The following LYPD5 variants were observed in gnomAD, a reference collection of about 807,000 sequenced individuals.
LYPD5 encodes the protein LY6/PLAUR domain containing 5.
LYPD5 carries 21 observed loss-of-function variants against 19.1 expected under a neutral mutation model. That is an observed-to-expected ratio of 1.10 (90% confidence interval 0.78 to 1.58). The LOEUF is 1.58. LYPD5 is among the 40% of genes most tolerant of loss of function. LYPD5 has a pLI of 0.00. For synonymous variants in LYPD5, 128 were observed against 142.7 expected, an observed-to-expected ratio of 0.90 and a Z score of 0.74; for missense variants, 287 against 329.8, an observed-to-expected ratio of 0.87 and a Z score of 1.00.
At chr19:43,815,769 A>C (rs1158605525) in intron 1 of LYPD5, 1 of 417,976 alleles carries the variant, frequency 2.4e-6, no homozygotes, top group Non-Finnish European at 4.7e-6. Context: ...ACGGAGTTTC[A>C]CTTTGTCACC....
At chr19:43,811,906 G>A (rs1297023151) in intron 1 of LYPD5, among the ~76,000 whole-genome samples, 1 of 152,050 alleles carries the variant, frequency 6.6e-6, no homozygotes, top group Non-Finnish European at 1.5e-5. Context: ...CAAAATGTAG[G>A]GGCTTAAAAC....
intron 1 of LYPD5, among the ~76,000 whole-genome samples, chr19:43,816,671 G>A (rs1353883326): frequency 6.6e-6 from 1 of 152,218 alleles, no homozygotes; most frequent in African/African-American, 2.4e-5. Context: ...TAGTCACTAT[G>A]AATTAGCTTT....
chr19:43,801,246 A>G (rs1970220591), intron 1 of LYPD5, among the ~76,000 whole-genome samples: 1 of 151,952 alleles, frequency 6.6e-6, no homozygotes, highest in Non-Finnish European at 1.5e-5. Context: ...CCACAAGAAA[A>G]AAGGCCAGTC....
At chr19:43,800,009 T>C (rs1345444353) in intron 1 of LYPD5, 175 bp from the exon 2 acceptor site, 7 of 726,104 alleles carry the variant, frequency 9.6e-6, no homozygotes, top group African/African-American at 3.6e-5. Context: ...GTCTGTCTCA[T>C]GGCAGAGTAA....
chr19:43,803,737 A>G (rs927915022), upstream of LYPD5, among the ~76,000 whole-genome samples: 21 of 152,114 alleles, frequency 1.4e-4, no homozygotes, highest in African/African-American at 5.1e-4. Flanking sequence ...TTTTTATCCA[A>G]AGTTGACTGA....
chr19:43,802,842 A>G (rs559553014), upstream of LYPD5, among the ~76,000 whole-genome samples: 1 of 152,088 alleles, frequency 6.6e-6, no homozygotes, highest in African/African-American at 2.4e-5. Flanking sequence ...CCACTCATCC[A>G]CACACCCTCA....
chr19:43,802,278 C>T, intron 1 of LYPD5, 39 bp downstream of exon 1: 2 of 1,536,566 alleles, frequency 1.3e-6, no homozygotes, highest in Non-Finnish European at 1.8e-6. Context: ...GTCCAGGCCA[C>T]CTGCCCCTTC....
At position 43,799,696 on chromosome 19, in the gene LYPD5, C is replaced by A; in HGVS notation, c.193+10G>T. 1 of 1,611,602 alleles carries A rather than the reference C, an allele frequency of 6.2e-7. No homozygotes were observed. The highest frequency in any genetic ancestry group is 8.5e-7 in the Non-Finnish European group (1 of 1,179,040). On this transcript the variant is annotated intron_variant, in intron 2 of 4. Transcript: ENST00000377950. ...TCTCTCATCCCTGTCCCCCGGCTCCCGCTCCTTACCGGTGTCCAGAGACAG... is the reference window on the plus strand; with the variant it reads ...TCTCTCATCCCTGTCCCCCGGCTCCAGCTCCTTACCGGTGTCCAGAGACAG...
At chr19:43,804,270 C>T (rs1051838832), upstream of LYPD5, among the ~76,000 whole-genome samples, 1 of 152,162 alleles carries the variant, frequency 6.6e-6, no homozygotes, top group African/African-American at 2.4e-5. Context: ...CCCTATCGCC[C>T]AGTCTCTGTG....
At position 43,799,118 on chromosome 19, in the gene LYPD5, T is replaced by C. The variant is rs542648266; in HGVS notation, c.194-130A>G. ...CTCCCCTCCCTCCTTCCCTCCTTCCTCTCACCCCCAGACCTTTTCCCCCGA... is the reference window on the plus strand; with the variant it reads ...CTCCCCTCCCTCCTTCCCTCCTTCCCCTCACCCCCAGACCTTTTCCCCCGA... On this transcript the variant is annotated intron_variant, in intron 2 of 4. Transcript: ENST00000377950. 50 of 522,446 alleles carry C rather than the reference T, an allele frequency of 9.6e-5. No individual in the cohort carries two copies. In the Admixed American group the frequency reaches 1.4e-3, roughly 14 times the overall value. The allele number at this position is 522,446 out of a possible 1,614,324, so 32.4% of individuals were successfully genotyped here. A position where few individuals can be genotyped will look rare whatever the true frequency, so the allele number is the denominator to read the frequency against.
chr19:43,798,537 G>A lies in LYPD5; in HGVS notation c.435C>T (p.Asp145=). ...CTCGTCGGGACCTGCCGATAGCGCA[G>A]TCATCCTGGTGGACCCCGATACAGG... ...CYACIGVHQD[D]CAIGRSRRVQ... Residue 145 remains aspartate, a synonymous_variant, in exon 4 of 5, where the codon GAC becomes GAT. Transcript: ENST00000377950. The A allele has an allele frequency of 1.2e-6, 2 of 1,612,050 alleles. No individual in the cohort carries two copies. Among genetic ancestry groups the A allele is most frequent in the Non-Finnish European group, 1.7e-6 (2 of 1,180,046 alleles).
Position 43,799,849 on chromosome 19 carries a change from G to A in LYPD5, c.65-15C>T, listed in dbSNP as rs773513759. 6.2e-6 allele frequency: 10 copies of A among 1,602,470 alleles called. No homozygotes were observed. Among genetic ancestry groups the A allele is most frequent in the East Asian group, 2.2e-5 (1 of 44,574 alleles). On this transcript the variant is annotated splice_polypyrimidine_tract_variant and intron_variant, in intron 1 of 4. Coordinates refer to ENST00000377950, the MANE Select transcript of LYPD5 (RefSeq NM_001031749.3). ...GGCTTGGGACCCTGGGGAGAGAGGC[G>A]TGGCAGAGTCAGCAGGGCCAGTGTG... is the stretch of plus-strand genomic sequence containing the variant.
chr19:43,810,561 C>CTCCCCTCCCCTCCCCTCCCT (rs1970313121), intron 1 of LYPD5, among the ~76,000 whole-genome samples: 1 of 110,570 alleles, frequency 9.0e-6, no homozygotes, highest in Non-Finnish European at 1.9e-5. Context: ...CTCCCTTCCC[C>CTCCCCTCCCCTCCCCTCCCT]TCCCCTCCCC....
chr19:43,803,973 G>C (rs1970250321), upstream of LYPD5, among the ~76,000 whole-genome samples: 1 of 152,132 alleles, frequency 6.6e-6, no homozygotes, highest in East Asian at 1.9e-4. Flanking sequence ...GAGTAGCTGG[G>C]ATTACAGGCA....
At chr19:43,799,942 C>T (rs1044356549) in intron 1 of LYPD5, 108 bp from the exon 2 acceptor site, 21 of 1,328,604 alleles carry the variant, frequency 1.6e-5, no homozygotes, top group Non-Finnish European at 2.0e-5. Flanking sequence ...CCCTCTGCTC[C>T]CAGGGAAGAC....
In LYPD5 at chr19:43,797,792, G is replaced by A; in HGVS notation, c.555C>T (p.His185=). 6.2e-7 allele frequency: 1 copy of A among 1,613,856 alleles called. No homozygotes were observed. The highest frequency in any genetic ancestry group is 1.7e-4 in the Middle Eastern group (1 of 6,058). ...TGCCCTCGGTGGTGCAGGAGGGCCG[G>A]TGGCAGGTTCTGATGTACACAGGGA... is the stretch of plus-strand genomic sequence containing the variant. The part of the protein sequence containing the change: ...FSVPVYIRTC[H]RPSCTTEGTT... The change falls in exon 5 of 5, where the codon CAC becomes CAT. Residue 185 remains histidine (H), a synonymous_variant. Coordinates refer to ENST00000377950, the MANE Select transcript of LYPD5 (RefSeq NM_001031749.3).
chr19:43,814,945 C>A (rs1429268085), intron 1 of LYPD5, among the ~76,000 whole-genome samples: 1 of 152,210 alleles, frequency 6.6e-6, no homozygotes, highest in Non-Finnish European at 1.5e-5. Flanking sequence ...TAGTACTCAG[C>A]AGCTGGTTTT....
At chr19:43,809,907 C>T (rs965411787) in intron 1 of LYPD5, among the ~76,000 whole-genome samples, 16 of 152,214 alleles carry the variant, frequency 1.1e-4, no homozygotes, top group Admixed American at 5.2e-4. Flanking sequence ...CACGTCTTTC[C>T]ATTTCAAAAC....
upstream of LYPD5, among the ~76,000 whole-genome samples, chr19:43,804,468 A>T (rs1402964022): frequency 2.0e-5 from 3 of 152,082 alleles, no homozygotes; most frequent in Non-Finnish European, 2.9e-5. Flanking sequence ...TTTTTCCATT[A>T]ACTCACCTAG....
Sources: gnomAD v4.1 joint callset for allele counts (sites outside exome capture counted in the v4.1 genomes callset) on GRCh38, gnomAD v4.1.1 for gene constraint, MANE v1.5 for transcripts, NCBI Gene and HGNC (gene_info 2026-07-23, HGNC 2026-07-21) for gene names.